Variants in LIMS1 observed in about 807,000 individuals in gnomAD.
LIMS1 encodes the protein LIM zinc finger domain containing 1.
In LIMS1, 18 loss-of-function variants were observed where a neutral mutation model predicts 44.1. The ratio of observed to expected loss-of-function variants is 0.41; its 90% CI spans 0.28 to 0.61. The LOEUF (loss-of-function observed/expected upper bound fraction) is 0.61, where lower values mean the gene tolerates loss of function less well. Ranked by LOEUF, LIMS1 falls within the 20% of genes least tolerant of loss-of-function variation. LIMS1 has a pLI of 0.32. For missense variants in LIMS1, 201 were observed against 422.0 expected (o/e 0.48, Z 4.59); for synonymous variants, 93 against 149.1 (o/e 0.62, Z 2.74).
At chr2:108,619,447 G>A (rs570853529) in intron 1 of LIMS1, among the ~76,000 whole-genome samples, 1 of 152,094 alleles carries the variant, frequency 6.6e-6, no homozygotes, top group African/African-American at 2.4e-5. Context: ...AATTTGGGAG[G>A]CCGAGGCAGT....
intron 1 of LIMS1, among the ~76,000 whole-genome samples, chr2:108,556,459 C>A (rs959992244): frequency 2.6e-5 from 4 of 152,076 alleles, no homozygotes; most frequent in African/African-American, 9.7e-5. Flanking sequence ...GCTTTTAATT[C>A]TTTTGGGCAT....
chr2:108,613,050 T>C (rs1687744210), intron 1 of LIMS1, among the ~76,000 whole-genome samples: 1 of 152,192 alleles, frequency 6.6e-6, no homozygotes, highest in Admixed American at 6.5e-5. Flanking sequence ...TTGGTTGTAT[T>C]GTTTGGTCAA....
At chr2:108,551,444 AT>A (rs1684689816) in intron 1 of LIMS1, among the ~76,000 whole-genome samples, 1 of 145,906 alleles carries the variant, frequency 6.9e-6, no homozygotes, top group African/African-American at 2.5e-5. Flanking sequence ...TATATAGTAT[AT>A]ATAATATATA....
intron 1 of LIMS1, among the ~76,000 whole-genome samples, chr2:108,620,898 C>A (rs568715004): frequency 1.3e-5 from 2 of 151,980 alleles, no homozygotes; most frequent in African/African-American, 4.8e-5. Context: ...TATAACCAGG[C>A]GGTTCTTTAA....
At chr2:108,684,312 A>G (rs1693195511) in exon 10 of LIMS1, 1 of 157,550 alleles carries the variant, frequency 6.3e-6, no homozygotes, top group Non-Finnish European at 1.4e-5. Flanking sequence ...TTTAAAATGA[A>G]AGGAGTCACC....
intron 1 of LIMS1, among the ~76,000 whole-genome samples, chr2:108,616,803 AT>A (rs1436906940): frequency 6.6e-6 from 1 of 152,128 alleles, no homozygotes; most frequent in East Asian, 1.9e-4. Flanking sequence ...CTTCCTTCAA[AT>A]TTATAGCCTA....
intron 1 of LIMS1, among the ~76,000 whole-genome samples, chr2:108,562,795 A>T (rs1444638755): frequency 6.6e-6 from 1 of 152,260 alleles, no homozygotes; most frequent in Non-Finnish European, 1.5e-5. Flanking sequence ...GTCAGTGTAG[A>T]CAAAATAGCC....
intron 1 of LIMS1, among the ~76,000 whole-genome samples, chr2:108,541,180 G>A (rs1292126880): frequency 6.6e-6 from 1 of 152,176 alleles, no homozygotes; most frequent in African/African-American, 2.4e-5. Context: ...CCTTCCTATT[G>A]ACGGGCTTCC....
intron 1 of LIMS1, among the ~76,000 whole-genome samples, chr2:108,547,763 C>G (rs1684534515): frequency 6.6e-6 from 1 of 152,156 alleles, no homozygotes; most frequent in South Asian, 2.1e-4. Context: ...CATTTAAGGT[C>G]ATTGCCTACA....
chr2:108,551,953 G>GTATATATATA (rs10598934), intron 1 of LIMS1, among the ~76,000 whole-genome samples: 41 of 85,324 alleles, frequency 4.8e-4, no homozygotes, highest in African/African-American at 1.4e-3. Context: ...GTGTGTGTGT[G>GTATATATATA]TATATATATA....
chr2:108,675,169 T>C (rs1692447622), intron 5 of LIMS1, among the ~76,000 whole-genome samples: 1 of 152,024 alleles, frequency 6.6e-6, no homozygotes, highest in African/African-American at 2.4e-5. Flanking sequence ...TATGCGCCTG[T>C]AACAGAATAC....
intron 1 of LIMS1, among the ~76,000 whole-genome samples, chr2:108,594,622 T>C (rs1284246602): frequency 6.6e-6 from 1 of 152,138 alleles, no homozygotes; most frequent in Admixed American, 6.5e-5. Context: ...AGAAATACAA[T>C]GTAAGCAGCA....
chr2:108,609,831 A>C (rs1687489073), intron 1 of LIMS1, among the ~76,000 whole-genome samples: 1 of 150,980 alleles, frequency 6.6e-6, no homozygotes, highest in South Asian at 2.1e-4. Flanking sequence ...CCACGGTTGA[A>C]GTTTTTTTTT....
At chr2:108,626,679 C>G (rs902650854) in intron 1 of LIMS1, among the ~76,000 whole-genome samples, 1 of 152,102 alleles carries the variant, frequency 6.6e-6, no homozygotes, top group Admixed American at 6.5e-5. Flanking sequence ...AAAGGTACCT[C>G]TTTTATTCTA....
At chr2:108,590,962 G>T (rs1489202248) in intron 1 of LIMS1, among the ~76,000 whole-genome samples, 1 of 152,156 alleles carries the variant, frequency 6.6e-6, no homozygotes, top group Non-Finnish European at 1.5e-5. Flanking sequence ...ATGAATGAAA[G>T]AAATTCAAAA....
chr2:108,685,208 TAAATGACACTCTTAAATTG>T (rs1430689211), exon 10 of LIMS1: 21 of 152,176 alleles, frequency 1.4e-4, no homozygotes, highest in African/African-American at 4.8e-4. Flanking sequence ...GTAGGAGGTA[TAAATGACACTCTTAAATTG>T]GAAGGAGGGG....
At chr2:108,629,614 T>C (rs1207346366) in intron 1 of LIMS1, among the ~76,000 whole-genome samples, 1 of 152,206 alleles carries the variant, frequency 6.6e-6, no homozygotes, top group Non-Finnish European at 1.5e-5. Flanking sequence ...TGAGCTTGTT[T>C]AGTACGTGAG....
At chr2:108,576,472 C>T (rs543228412) in intron 1 of LIMS1, among the ~76,000 whole-genome samples, 9 of 152,296 alleles carry the variant, frequency 5.9e-5, no homozygotes, top group African/African-American at 2.2e-4. Flanking sequence ...ATGATCTTGG[C>T]TCACTGCGAC....
chr2:108,566,753 T>A (rs1371749357), intron 1 of LIMS1, among the ~76,000 whole-genome samples: 1 of 152,102 alleles, frequency 6.6e-6, no homozygotes, highest in Non-Finnish European at 1.5e-5. Flanking sequence ...CCCAGCACCA[T>A]GCCCAGCTAA....
Sources: gnomAD v4.1 joint callset for allele counts (sites outside exome capture counted in the v4.1 genomes callset) on GRCh38, gnomAD v4.1.1 for gene constraint, MANE v1.5 for transcripts, NCBI Gene and HGNC (gene_info 2026-07-23, HGNC 2026-07-21) for gene names.